RBM20: variants seen among roughly 807,000 people sequenced by gnomAD.
RBM20 encodes the protein RNA-binding protein 20.
In RBM20, 51 loss-of-function variants were observed where a neutral mutation model predicts 110.1. The ratio of observed to expected loss-of-function variants is 0.46; its 90% CI spans 0.37 to 0.59. The LOEUF is 0.59. RBM20 is among the 20% of genes least tolerant of loss of function. RBM20 has a pLI of 0.00. For synonymous variants in RBM20, 589 were observed against 618.2 expected (o/e 0.95, Z 0.70); for missense variants, 1,512 against 1,574.9 (o/e 0.96, Z 0.68).
intron 1 of RBM20, among the ~76,000 whole-genome samples, chr10:110,740,538 G>T (rs1422891996): frequency 6.6e-6 from 1 of 151,926 alleles, no homozygotes; most frequent in Non-Finnish European, 1.5e-5. Context: ...CACAGAACTG[G>T]GTTATGGACC....
intron 12 of RBM20, among the ~76,000 whole-genome samples, chr10:110,824,052 A>G (rs1844951880): frequency 6.6e-6 from 1 of 151,986 alleles, no homozygotes; most frequent in South Asian, 2.1e-4. Context: ...TAAGTGTATG[A>G]TGCAATAACC....
chr10:110,822,828 C>T (rs1370917103), intron 11 of RBM20, among the ~76,000 whole-genome samples: 2 of 152,048 alleles, frequency 1.3e-5, no homozygotes, highest in Non-Finnish European at 2.9e-5. Context: ...TGTTTTTTAC[C>T]TGCACGGATC....
chr10:110,706,016 G>T (rs898070959), intron 1 of RBM20, among the ~76,000 whole-genome samples: 2 of 151,840 alleles, frequency 1.3e-5, no homozygotes, highest in Non-Finnish European at 2.9e-5. Flanking sequence ...GGGAGGTGGC[G>T]TTTGCAGTGA....
rs371091999 is a variant in RBM20, at chr10:110,730,881, AC to A, written c.192-49918del. Among the ~76,000 whole-genome samples, 349 of 151,944 alleles carry A rather than the reference AC, an allele frequency of 2.3e-3. 1 individual carries two copies. The highest frequency in any genetic ancestry group is 8.2e-3 in the African/African-American group (338 of 41,408). On this transcript the variant is annotated intron_variant, in intron 1 of 13. Coordinates refer to ENST00000369519, the MANE Select transcript of RBM20 (RefSeq NM_001134363.3). ...GAGGCATCCTTCCTGGTTTCTTTCT[AC>A]CTCCCCACCCTCCTACTTGAAGTGT...
At chr10:110,648,545 A>T (rs967257540) in intron 1 of RBM20, among the ~76,000 whole-genome samples, 4 of 152,220 alleles carry the variant, frequency 2.6e-5, no homozygotes, top group Non-Finnish European at 5.9e-5. Context: ...GGAATTTCTA[A>T]CATCTGTGCC....
intron 1 of RBM20, among the ~76,000 whole-genome samples, chr10:110,699,342 C>T (rs113261302): frequency 0.02 from 3,028 of 148,790 alleles, 108 homozygotes; most frequent in African/African-American, 0.07. Flanking sequence ...AATCTCGGCT[C>T]ACTGCAATGT....
chr10:110,730,153 G>A (rs1194933970), intron 1 of RBM20, among the ~76,000 whole-genome samples: 1 of 152,126 alleles, frequency 6.6e-6, no homozygotes, highest in Non-Finnish European at 1.5e-5. Context: ...AGCACCAGGT[G>A]CTCATCTGCC....
intron 1 of RBM20, among the ~76,000 whole-genome samples, chr10:110,663,683 A>C (rs1862137592): frequency 6.6e-6 from 1 of 152,242 alleles, no homozygotes; most frequent in Non-Finnish European, 1.5e-5. Flanking sequence ...CCAAAAATCA[A>C]GACTAAAGTG....
intron 1 of RBM20, among the ~76,000 whole-genome samples, chr10:110,752,834 A>G (rs1590655000): frequency 6.7e-6 from 1 of 150,310 alleles, no homozygotes; most frequent in African/African-American, 2.4e-5. Context: ...GCTTTTCTCT[A>G]TAATTTTACC....
rs114663915 is a variant in RBM20 at position 110,706,438 on chromosome 10, G to A, written c.191+61793G>A. Among the ~76,000 whole-genome samples the A allele has an allele frequency of 2.6e-3, 390 of 152,374 alleles. 2 individuals carry two copies. Among genetic ancestry groups the A allele is most frequent in the African/African-American group, 8.8e-3 (364 of 41,594 alleles). On this transcript the variant is annotated intron_variant, in intron 1 of 13. Coordinates refer to ENST00000369519, the MANE Select transcript of RBM20 (RefSeq NM_001134363.3). Reference sequence around the variant, plus strand: ...CTGGACCTTGAGGTTGGAGCTCAGCGTGACCAGTCACAGAGCTGCCTCCCT... The same window carrying A: ...CTGGACCTTGAGGTTGGAGCTCAGCATGACCAGTCACAGAGCTGCCTCCCT...
chr10:110,703,634 C>T (rs1452970093), intron 1 of RBM20, among the ~76,000 whole-genome samples: 2 of 152,128 alleles, frequency 1.3e-5, no homozygotes, highest in Non-Finnish European at 2.9e-5. Flanking sequence ...TAGCCCTATA[C>T]AATTTTATCA....
intron 7 of RBM20, among the ~76,000 whole-genome samples, chr10:110,805,143 C>T (rs1422364784): frequency 1.3e-5 from 2 of 152,098 alleles, no homozygotes; most frequent in African/African-American, 4.8e-5. Context: ...AACTGGGAGA[C>T]AAATTATTCT....
intron 1 of RBM20, among the ~76,000 whole-genome samples, chr10:110,692,695 A>G (rs1862603833): frequency 6.6e-6 from 1 of 152,136 alleles, no homozygotes; most frequent in Non-Finnish European, 1.5e-5. Context: ...AAACAGAAAT[A>G]GTTTGACTTC....
At chr10:110,829,448 C>T (rs1268800801) in intron 12 of RBM20, among the ~76,000 whole-genome samples, 1 of 152,120 alleles carries the variant, frequency 6.6e-6, no homozygotes, top group Non-Finnish European at 1.5e-5. Flanking sequence ...GAGGGCATGG[C>T]GTGTAGCCTG....
At chr10:110,826,279 A>C (rs1844979708) in intron 12 of RBM20, among the ~76,000 whole-genome samples, 1 of 152,198 alleles carries the variant, frequency 6.6e-6, no homozygotes, top group East Asian at 1.9e-4. Context: ...AAGTAAGTGC[A>C]TATCAAGTGC....
At position 110,796,197 on chromosome 10, in the gene RBM20, A is replaced by G. The variant is rs141798052; in HGVS notation, c.1528-1311A>G. Among the ~76,000 whole-genome samples the G allele has an allele frequency of 2.4e-3, 360 of 152,348 alleles. 1 individual carries two copies. The highest frequency in any genetic ancestry group is 8.0e-3 in the African/African-American group (334 of 41,578). On this transcript the variant is annotated intron_variant, in intron 5 of 13. Transcript: ENST00000369519. Reference sequence around the variant, plus strand: ...GCATGTCTCATCTTACTGCCTTCCCATTCTGCTTCTCTGAAGATAACCAGC... The same window carrying G: ...GCATGTCTCATCTTACTGCCTTCCCGTTCTGCTTCTCTGAAGATAACCAGC...
intron 1 of RBM20, among the ~76,000 whole-genome samples, chr10:110,777,447 G>A (rs1333273947): frequency 2.6e-5 from 4 of 152,138 alleles, no homozygotes; most frequent in Admixed American, 2.6e-4. Context: ...TTTCTTCTTT[G>A]TCTAGGGTGT....
rs146826258 is a variant in RBM20, at chr10:110,792,937, T to A, written c.1528-4571T>A. Among the ~76,000 whole-genome samples the A allele has an allele frequency of 1.6e-3, 236 of 151,904 alleles. 3 individuals carry two copies. In the East Asian group the frequency reaches 0.024, roughly 16 times the overall value. On this transcript the variant is annotated intron_variant, in intron 5 of 13. Coordinates refer to ENST00000369519, the MANE Select transcript of RBM20 (RefSeq NM_001134363.3). ...ACATTACATTCATTGGAACAGGGAG[T>A]GGGAAAGACATGGGTTTCCTGTTTA...
At chr10:110,695,655 G>C (rs1041263375) in intron 1 of RBM20, among the ~76,000 whole-genome samples, 1 of 152,216 alleles carries the variant, frequency 6.6e-6, no homozygotes, top group African/African-American at 2.4e-5. Context: ...AGATGAGTTC[G>C]CTGATGGGAG....
Sources: gnomAD v4.1 joint callset for allele counts (sites outside exome capture counted in the v4.1 genomes callset) on GRCh38, gnomAD v4.1.1 for gene constraint, MANE v1.5 for transcripts, NCBI Gene and HGNC (gene_info 2026-07-23, HGNC 2026-07-21) for gene names.